Variants in KCTD16 observed in about 807,000 individuals in gnomAD.
KCTD16 encodes BTB/POZ domain-containing protein KCTD16.
In KCTD16, 13 loss-of-function variants were observed where a neutral mutation model predicts 33.2. The observed-to-expected ratio is 0.39, with a 90% CI of 0.25 to 0.62. The LOEUF (loss-of-function observed/expected upper bound fraction) is 0.62, where lower values mean the gene tolerates loss of function less well. Ranked by LOEUF, KCTD16 falls within the 20% of genes least tolerant of loss-of-function variation. KCTD16 has a pLI of 0.50. For synonymous variants in KCTD16, 197 were observed against 195.3 expected (o/e 1.01, Z -0.07); for missense variants, 441 against 525.1 (o/e 0.84, Z 1.57).
intron 2 of KCTD16, among the ~76,000 whole-genome samples, chr5:144,183,093 G>A (rs1238657525): frequency 6.6e-6 from 1 of 151,518 alleles, no homozygotes; most frequent in South Asian, 2.1e-4. Context: ...CAAAATAAAC[G>A]TGAAAGAAAG....
At chr5:144,313,329 C>T (rs1203684426) in intron 3 of KCTD16, among the ~76,000 whole-genome samples, 1 of 152,178 alleles carries the variant, frequency 6.6e-6, no homozygotes, top group African/African-American at 2.4e-5. Flanking sequence ...AAGATCTGAA[C>T]TTTTGCCAGC....
chr5:144,190,513 A>G lies in KCTD16; in HGVS notation c.-326-15876A>G, dbSNP rs141253179. Among the ~76,000 whole-genome samples the G allele has an allele frequency of 4.6e-5, 7 of 152,318 alleles. No homozygotes were observed. In the East Asian group the frequency reaches 1.3e-3, roughly 29 times the overall value. On this transcript the variant is annotated intron_variant, in intron 2 of 3. Transcript: ENST00000512467. Reference sequence around the variant, plus strand: ...GCATAGTGACAGTCATGTAGTAGTGATTCAGTAATTGGTATCTATTATTAT... The same window carrying G: ...GCATAGTGACAGTCATGTAGTAGTGGTTCAGTAATTGGTATCTATTATTAT...
At chr5:144,362,689 T>C (rs1299483045) in intron 3 of KCTD16, among the ~76,000 whole-genome samples, 1 of 152,192 alleles carries the variant, frequency 6.6e-6, no homozygotes, top group South Asian at 2.1e-4. Flanking sequence ...TAGTAAGTAC[T>C]CCTTAAAAGT....
At chr5:144,297,984 T>C (rs960494365) in intron 3 of KCTD16, among the ~76,000 whole-genome samples, 2 of 152,184 alleles carry the variant, frequency 1.3e-5, no homozygotes, top group Admixed American at 1.3e-4. Flanking sequence ...TTGACTTTCA[T>C]CCCTCTGGAT....
At position 144,475,607 on chromosome 5, in the gene KCTD16, C is replaced by T. The variant is rs1433197425; in HGVS notation, c.*1493C>T. On this transcript the variant is annotated 3_prime_UTR_variant, in exon 4 of 4. Coordinates refer to ENST00000512467, the MANE Select transcript of KCTD16 (RefSeq NM_020768.4). ...CATTCCTCATGCATTTCAGTGGTAA[C>T]CAAAAAATAATTTGTCAATTAATAG... is the stretch of plus-strand genomic sequence containing the variant. The T allele has an allele frequency of 6.6e-6, 1 of 152,510 alleles. No individual in the cohort carries two copies. The highest frequency in any genetic ancestry group is 1.9e-4 in the East Asian group (1 of 5,196). 9.4% of individuals were successfully genotyped at this position (152,510 alleles called of 1,614,324 possible). A position where few individuals can be genotyped will look rare whatever the true frequency, so the allele number is the denominator to read the frequency against.
chr5:144,303,938 C>T (rs1233699055), intron 3 of KCTD16, among the ~76,000 whole-genome samples: 1 of 152,158 alleles, frequency 6.6e-6, no homozygotes, highest in Non-Finnish European at 1.5e-5. Context: ...ATGTCACAGC[C>T]TTAAACACAC....
intron 3 of KCTD16, among the ~76,000 whole-genome samples, chr5:144,333,058 A>G (rs1277650600): frequency 1.3e-5 from 2 of 152,178 alleles, no homozygotes; most frequent in Non-Finnish European, 2.9e-5. Flanking sequence ...ACTCGTGGGA[A>G]TTATGGGAGC....
At chr5:144,280,915 C>T (rs1449832163) in intron 3 of KCTD16, among the ~76,000 whole-genome samples, 2 of 149,144 alleles carry the variant, frequency 1.3e-5, no homozygotes, top group Non-Finnish European at 3.0e-5. Context: ...ATTAGCCGGG[C>T]GTGGTGGTGG....
chr5:144,371,595 G>C (rs947603957), intron 3 of KCTD16, among the ~76,000 whole-genome samples: 2 of 152,122 alleles, frequency 1.3e-5, no homozygotes, highest in African/African-American at 4.8e-5. Context: ...AGCTGATTCT[G>C]TATATCACTA....
At chr5:144,467,071 TA>T (rs1342368188) in intron 3 of KCTD16, among the ~76,000 whole-genome samples, 2 of 132,060 alleles carry the variant, frequency 1.5e-5, no homozygotes. Context: ...GTATTATATA[TA>T]ATATATATAG....
chr5:144,227,707 C>T (rs772711015), intron 3 of KCTD16, among the ~76,000 whole-genome samples: 65 of 152,236 alleles, frequency 4.3e-4, no homozygotes, highest in African/African-American at 1.0e-3. Flanking sequence ...AGACAACTAT[C>T]GGAATAATCC....
At chr5:144,341,738 A>G (rs1342593735) in intron 3 of KCTD16, among the ~76,000 whole-genome samples, 1 of 152,192 alleles carries the variant, frequency 6.6e-6, no homozygotes, top group Non-Finnish European at 1.5e-5. Flanking sequence ...AGCAGGACAT[A>G]GAGTTTGGAT....
chr5:144,269,266 A>G (rs750186378), intron 3 of KCTD16, among the ~76,000 whole-genome samples: 1 of 152,006 alleles, frequency 6.6e-6, no homozygotes, highest in Non-Finnish European at 1.5e-5. Context: ...AGTAAGATGA[A>G]TGCAAAGAGA....
Position 144,277,594 on chromosome 5 carries a change from T to C in KCTD16, c.832+70048T>C, listed in dbSNP as rs566353841. On this transcript the variant is annotated intron_variant, in intron 3 of 3. Coordinates refer to ENST00000512467, the MANE Select transcript of KCTD16 (RefSeq NM_020768.4). Reference sequence around the variant, plus strand: ...AGTGGCAGGGCCAGCATTATCAATGTGATTTTTTTAAATTGATTTTTGAAA... The same window carrying C: ...AGTGGCAGGGCCAGCATTATCAATGCGATTTTTTTAAATTGATTTTTGAAA... Among the ~76,000 whole-genome samples, 69 of 152,364 alleles carry C rather than the reference T, an allele frequency of 4.5e-4. 1 individual carries two copies. Among genetic ancestry groups the C allele is most frequent in the Admixed American group, 1.5e-3 (23 of 15,308 alleles).
At chr5:144,285,370 T>C (rs1467125702) in intron 3 of KCTD16, among the ~76,000 whole-genome samples, 1 of 152,224 alleles carries the variant, frequency 6.6e-6, no homozygotes, top group Non-Finnish European at 1.5e-5. Flanking sequence ...TCTGAAAGCA[T>C]CTCAGAATGA....
At position 144,459,824 on chromosome 5, in the gene KCTD16, C is replaced by CTTTTT. The variant is rs70995051; in HGVS notation, c.833-13815_833-13811dup. 2.3e-3 allele frequency among the ~76,000 whole-genome samples: 155 copies of CTTTTT among 66,764 alleles called. 1 individual carries two copies. Among genetic ancestry groups the CTTTTT allele is most frequent in the African/African-American group, 3.1e-3 (50 of 16,088 alleles). The allele number at this position is 66,764 out of a possible 152,430, so 43.8% of individuals were successfully genotyped here. On this transcript the variant is annotated intron_variant, in intron 3 of 3. Coordinates refer to ENST00000512467, the MANE Select transcript of KCTD16 (RefSeq NM_020768.4). ...CTCCTGTCTCCCTCTCCAATATCAT[C>CTTTTT]TTTTTTTTTTTTTTTTTTTTTTTTT...
intron 3 of KCTD16, among the ~76,000 whole-genome samples, chr5:144,394,599 CAT>C (rs1752523911): frequency 1.3e-5 from 2 of 152,348 alleles, no homozygotes; most frequent in South Asian, 2.1e-4. Context: ...ATAATCCCCA[CAT>C]GTCGAGAGAC....
intron 3 of KCTD16, among the ~76,000 whole-genome samples, chr5:144,325,316 GA>G (rs1752177363): frequency 6.6e-6 from 1 of 152,118 alleles, no homozygotes; most frequent in Non-Finnish European, 1.5e-5. Flanking sequence ...TTTGGCTCTA[GA>G]AGAACCTCCC....
intron 3 of KCTD16, among the ~76,000 whole-genome samples, chr5:144,234,677 A>G (rs1754199950): frequency 6.6e-6 from 1 of 152,166 alleles, no homozygotes; most frequent in South Asian, 2.1e-4. Flanking sequence ...TTCCCACCCC[A>G]TCTGGTGGTT....
Sources: gnomAD v4.1 joint callset for allele counts (sites outside exome capture counted in the v4.1 genomes callset) on GRCh38, gnomAD v4.1.1 for gene constraint, MANE v1.5 for transcripts, NCBI Gene and HGNC (gene_info 2026-07-23, HGNC 2026-07-21) for gene names.